The following C12orf42 variants were observed in gnomAD, a reference collection of about 807,000 sequenced individuals.
C12orf42 encodes chromosome 12 open reading frame 42, also known as uncharacterized protein C12orf42.
In C12orf42, 25 loss-of-function variants were observed where a neutral mutation model predicts 21.6. That is an observed-to-expected ratio of 1.16 (90% CI 0.84 to 1.62). The LOEUF is 1.62. C12orf42 is among the 40% of genes most tolerant of loss of function. C12orf42 has a pLI of 0.00. For missense variants in C12orf42, 483 were observed against 459.3 expected (o/e 1.05, Z -0.47); for synonymous variants, 174 against 175.0 (o/e 0.99, Z 0.05).
At chr12:103,540,455 A>C in the C12orf42 span, among the ~76,000 whole-genome samples, 2 of 151,904 alleles carry the variant, frequency 1.3e-5, no homozygotes, top group Admixed American at 6.6e-5. Flanking sequence ...GTTACTTTTG[A>C]TTTTGTGCAT....
the C12orf42 span, among the ~76,000 whole-genome samples, chr12:103,528,405 C>T: frequency 1.3e-5 from 2 of 152,352 alleles, no homozygotes; most frequent in East Asian, 3.9e-4. Flanking sequence ...GTTTGTCCCT[C>T]TAAGTCTCAT....
the C12orf42 span, among the ~76,000 whole-genome samples, chr12:103,520,467 T>A: frequency 6.6e-6 from 1 of 152,142 alleles, no homozygotes; most frequent in Non-Finnish European, 1.5e-5. Flanking sequence ...AGTCAGAGGA[T>A]GGCTTGAGGC....
the C12orf42 span, among the ~76,000 whole-genome samples, chr12:103,068,886 T>G: frequency 9.8e-3 from 1,305 of 133,326 alleles, 14 homozygotes; most frequent in South Asian, 0.018. Flanking sequence ...TATATATATA[T>G]ATAGATAGAT....
intron 1 of C12orf42, among the ~76,000 whole-genome samples, chr12:103,491,829 A>G (rs1271831500): frequency 6.6e-6 from 1 of 152,246 alleles, no homozygotes; most frequent in Non-Finnish European, 1.5e-5. Context: ...GGACATCAAT[A>G]AAGCTGATAA....
chr12:103,374,243 G>A (rs1051748199), intron 3 of C12orf42, among the ~76,000 whole-genome samples: 2 of 152,032 alleles, frequency 1.3e-5, no homozygotes, highest in African/African-American at 4.8e-5. Flanking sequence ...ATGAGTATTT[G>A]GGGATTTACT....
chr12:103,470,787 T>G (rs1953537724), intron 2 of C12orf42, among the ~76,000 whole-genome samples: 1 of 151,990 alleles, frequency 6.6e-6, no homozygotes. Context: ...AGAGAGACCC[T>G]GAGTAGATGT....
chr12:103,406,032 T>C (rs2048399601), intron 2 of C12orf42, among the ~76,000 whole-genome samples: 1 of 152,188 alleles, frequency 6.6e-6, no homozygotes, highest in South Asian at 2.1e-4. Flanking sequence ...ATCTCATCAA[T>C]ATACCAGTGT....
At chr12:103,281,963 G>T (rs1204798551) in intron 4 of C12orf42, among the ~76,000 whole-genome samples, 1 of 148,906 alleles carries the variant, frequency 6.7e-6, no homozygotes, top group African/African-American at 2.5e-5. Flanking sequence ...AAGAAAGAAA[G>T]AGATCGATCC....
At chr12:103,229,659 T>A in the C12orf42 span, among the ~76,000 whole-genome samples, 1 of 152,226 alleles carries the variant, frequency 6.6e-6, no homozygotes, top group Non-Finnish European at 1.5e-5. Context: ...CATTTTTATT[T>A]TCCATCCAGA....
the C12orf42 span, among the ~76,000 whole-genome samples, chr12:103,206,669 C>T: frequency 6.6e-6 from 1 of 152,142 alleles, no homozygotes; most frequent in Admixed American, 6.5e-5. Flanking sequence ...TCAGAGCTTA[C>T]TATTTTTAAT....
intron 4 of C12orf42, among the ~76,000 whole-genome samples, chr12:103,291,710 A>T (rs1035360040): frequency 6.6e-6 from 1 of 152,196 alleles, no homozygotes; most frequent in Admixed American, 6.6e-5. Context: ...GTAAACTGTC[A>T]TGGCACCAGT....
chr12:103,446,008 AT>A (rs1951554239), intron 2 of C12orf42, among the ~76,000 whole-genome samples: 1 of 151,988 alleles, frequency 6.6e-6, no homozygotes, highest in Non-Finnish European at 1.5e-5. Context: ...TCACCAATCT[AT>A]GGTAATGGTA....
At chr12:103,411,629 G>A (rs773061941) in intron 2 of C12orf42, among the ~76,000 whole-genome samples, 14 of 152,182 alleles carry the variant, frequency 9.2e-5, no homozygotes, top group Non-Finnish European at 1.8e-4. Context: ...AGCCAGGGGA[G>A]CTTGTTATCT....
At chr12:103,093,296 G>T in the C12orf42 span, among the ~76,000 whole-genome samples, 3 of 152,134 alleles carry the variant, frequency 2.0e-5, no homozygotes, top group African/African-American at 7.2e-5. Context: ...TTTTGCAGCA[G>T]GATATTTTTG....
chr12:103,220,033 TG>T, the C12orf42 span, among the ~76,000 whole-genome samples: 4 of 152,156 alleles, frequency 2.6e-5, no homozygotes, highest in African/African-American at 9.7e-5. Context: ...AATAATAGAC[TG>T]GATAAAGAAA....
At chr12:103,265,810 T>TGTTTC (rs2035140606), downstream of C12orf42, among the ~76,000 whole-genome samples, 1 of 127,572 alleles carries the variant, frequency 7.8e-6, no homozygotes, top group Admixed American at 7.2e-5. Context: ...TGTTTTGTTT[T>TGTTTC]GTTTTGTTTT....
At chr12:103,530,968 A>T in the C12orf42 span, among the ~76,000 whole-genome samples, 1 of 152,200 alleles carries the variant, frequency 6.6e-6, no homozygotes, top group East Asian at 1.9e-4. Context: ...AGCGATGCAA[A>T]CAAAACAGTC....
At chr12:103,132,081 T>C in the C12orf42 span, among the ~76,000 whole-genome samples, 1 of 152,164 alleles carries the variant, frequency 6.6e-6, no homozygotes, top group African/African-American at 2.4e-5. Context: ...CCTCAAATAT[T>C]TGAGGCAGAA....
chr12:103,183,090 A>G, the C12orf42 span, among the ~76,000 whole-genome samples: 1 of 152,194 alleles, frequency 6.6e-6, no homozygotes, highest in Admixed American at 6.5e-5. Context: ...ATTTCATTTC[A>G]TTTCATTTTA....
Sources: gnomAD v4.1 joint callset for allele counts (sites outside exome capture counted in the v4.1 genomes callset) on GRCh38, gnomAD v4.1.1 for gene constraint, MANE v1.5 for transcripts, NCBI Gene and HGNC (gene_info 2026-07-23, HGNC 2026-07-21) for gene names.